RALA: variants seen among roughly 807,000 people sequenced by gnomAD.
The protein encoded by RALA is RAS like proto-oncogene A.
A neutral mutation model predicts 24.0 loss-of-function variants in RALA; 5 were observed. That is an observed-to-expected ratio of 0.21 (90% CI 0.11 to 0.44). RALA has a LOEUF of 0.44. RALA is among the 20% of genes least tolerant of loss of function. RALA has a pLI of 0.99. For synonymous variants in RALA, 77 were observed against 83.8 expected (o/e 0.92, Z 0.44); for missense variants, 95 against 241.2 (o/e 0.39, Z 4.01).
intron 3 of RALA, among the ~76,000 whole-genome samples, chr7:39,693,399 C>A (rs1792865453): frequency 6.6e-6 from 1 of 152,016 alleles, no homozygotes; most frequent in Admixed American, 6.6e-5. Context: ...CAGGGAACAT[C>A]ACACACTGGG....
At chr7:39,647,044 CTTAT>C (rs1170297532) in intron 1 of RALA, among the ~76,000 whole-genome samples, 1 of 151,890 alleles carries the variant, frequency 6.6e-6, no homozygotes, top group Non-Finnish European at 1.5e-5. Flanking sequence ...TGAACAGATT[CTTAT>C]TTATTTATTT....
chr7:39,669,281 T>G (rs1167889042), intron 1 of RALA, among the ~76,000 whole-genome samples: 1 of 152,180 alleles, frequency 6.6e-6, no homozygotes, highest in Non-Finnish European at 1.5e-5. Flanking sequence ...TGCTCACCTA[T>G]GAACCTATCC....
chr7:39,707,494 C>T lies in RALA; in HGVS notation c.*1249C>T, dbSNP rs1272344780. 6.6e-6 allele frequency: 1 copy of T among 152,186 alleles called. No homozygotes were observed. Among genetic ancestry groups the T allele is most frequent in the Non-Finnish European group, 1.5e-5 (1 of 68,038 alleles). The allele number at this position is 152,186 out of a possible 1,614,324, so 9.4% of individuals were successfully genotyped here. A position where few individuals can be genotyped will look rare whatever the true frequency, so the allele number is the denominator to read the frequency against. ...GGTATAGTGCAGAAAACGTGGCACA[C>T]ACTGACCACACATTAGGCTGTGTCA... On this transcript the variant is annotated 3_prime_UTR_variant, in exon 5 of 5. Coordinates refer to ENST00000005257, the MANE Select transcript of RALA (RefSeq NM_005402.4).
At chr7:39,687,945 TA>T (rs1344825336) in intron 2 of RALA, among the ~76,000 whole-genome samples, 1 of 152,208 alleles carries the variant, frequency 6.6e-6, no homozygotes, top group African/African-American at 2.4e-5. Flanking sequence ...TTTTACCTTT[TA>T]TTTTTTTTAA....
intron 1 of RALA, among the ~76,000 whole-genome samples, chr7:39,651,996 A>G (rs1384939861): frequency 6.6e-6 from 1 of 152,162 alleles, no homozygotes; most frequent in Admixed American, 6.5e-5. Context: ...AGTACCACAG[A>G]CTGGGTAATT....
intron 1 of RALA, among the ~76,000 whole-genome samples, chr7:39,639,836 A>T (rs2115938305): frequency 6.6e-6 from 1 of 152,170 alleles, no homozygotes; most frequent in Admixed American, 6.5e-5. Flanking sequence ...CCTCATGCAC[A>T]CACGCACACT....
At chr7:39,670,907 A>C (rs906165813) in intron 1 of RALA, among the ~76,000 whole-genome samples, 44 of 152,194 alleles carry the variant, frequency 2.9e-4, no homozygotes, top group Non-Finnish European at 2.6e-4. Flanking sequence ...TCATTTCCTT[A>C]CAGTAACTCT....
chr7:39,697,357 A>T (rs957678910), intron 4 of RALA: 3 of 456,574 alleles, frequency 6.6e-6, no homozygotes, highest in Non-Finnish European at 1.3e-5. Flanking sequence ...AAAGAGAAAG[A>T]AAGGAAAGTA....
intron 4 of RALA, among the ~76,000 whole-genome samples, chr7:39,705,007 T>C (rs1793092506): frequency 6.6e-6 from 1 of 152,302 alleles, no homozygotes; most frequent in African/African-American, 2.4e-5. Flanking sequence ...AAAACACCTA[T>C]GTCTCTAAAG....
chr7:39,655,737 C>G (rs1792085424), intron 1 of RALA, among the ~76,000 whole-genome samples: 1 of 152,130 alleles, frequency 6.6e-6, no homozygotes, highest in Non-Finnish European at 1.5e-5. Flanking sequence ...CCAGTCCCTA[C>G]AGAGTCTGTT....
At position 39,705,880 on chromosome 7, in the gene RALA, A is replaced by G. The variant is rs143488404; in HGVS notation, c.499-243A>G. ...TCTCGAAAACTGGAACAGAAAGATCAGGTTTTATTACATATGAACATTTTT... is the reference window on the plus strand; with the variant it reads ...TCTCGAAAACTGGAACAGAAAGATCGGGTTTTATTACATATGAACATTTTT... On this transcript the variant is annotated intron_variant, in intron 4 of 4. Transcript: ENST00000005257. Among the ~76,000 whole-genome samples, 188 of 152,238 alleles carry G rather than the reference A, an allele frequency of 1.2e-3. 6 individuals carry two copies. In the East Asian group the frequency reaches 0.034, roughly 28 times the overall value.
At chr7:39,653,988 A>T (rs1054281289) in intron 1 of RALA, among the ~76,000 whole-genome samples, 2 of 152,228 alleles carry the variant, frequency 1.3e-5, no homozygotes, top group East Asian at 3.8e-4. Flanking sequence ...AATTAATTTG[A>T]TGAGTAGCAC....
At chr7:39,635,127 A>T (rs557835680) in intron 1 of RALA, among the ~76,000 whole-genome samples, 25 of 152,298 alleles carry the variant, frequency 1.6e-4, no homozygotes, top group Admixed American at 1.2e-3. Flanking sequence ...AGGCAGGCAG[A>T]TTGCTTGAGT....
chr7:39,630,283 C>T (rs957191728), intron 1 of RALA, among the ~76,000 whole-genome samples: 1 of 141,514 alleles, frequency 7.1e-6, no homozygotes, highest in Non-Finnish European at 1.5e-5. Flanking sequence ...AACTCCTGGG[C>T]TCAAGCAGTC....
intron 1 of RALA, among the ~76,000 whole-genome samples, chr7:39,648,987 G>A (rs1791974559): frequency 1.3e-5 from 2 of 152,120 alleles, no homozygotes; most frequent in Admixed American, 6.5e-5. Context: ...TTGAGCCCAG[G>A]AGATCAAGGC....
At chr7:39,635,063 A>G (rs920599089) in intron 1 of RALA, among the ~76,000 whole-genome samples, 1 of 152,210 alleles carries the variant, frequency 6.6e-6, no homozygotes, top group East Asian at 1.9e-4. Context: ...TTAAATGTGC[A>G]GTTTTGCCAG....
At chr7:39,649,161 G>A (rs1791977717) in intron 1 of RALA, among the ~76,000 whole-genome samples, 1 of 152,194 alleles carries the variant, frequency 6.6e-6, no homozygotes, top group Admixed American at 6.5e-5. Flanking sequence ...AAGCAGGTTG[G>A]AGTAGGTTAA....
At chr7:39,650,283 G>C (rs1791998185) in intron 1 of RALA, among the ~76,000 whole-genome samples, 1 of 152,122 alleles carries the variant, frequency 6.6e-6, no homozygotes, top group South Asian at 2.1e-4. Flanking sequence ...CCTGCTGCCT[G>C]TTTTTAAAAT....
intron 1 of RALA, among the ~76,000 whole-genome samples, chr7:39,651,932 A>G (rs1315708662): frequency 1.3e-5 from 2 of 152,194 alleles, no homozygotes; most frequent in African/African-American, 4.8e-5. Context: ...TTTTCTATGG[A>G]TAATCATGAC....
Sources: allele counts gnomAD v4.1 joint callset (sites outside exome capture counted in the v4.1 genomes callset), GRCh38; gene constraint gnomAD v4.1.1; transcripts MANE v1.5; gene names NCBI Gene and HGNC (gene_info 2026-07-23, HGNC 2026-07-21).